The following SPATA13 variants were observed in gnomAD, a reference collection of about 807,000 sequenced individuals.
The protein encoded by SPATA13 is spermatogenesis-associated protein 13.
SPATA13 carries 50 observed loss-of-function variants against 104.0 expected under a neutral mutation model. The observed-to-expected ratio is 0.48, with a 90% CI of 0.38 to 0.61. The LOEUF is 0.61. Ranked by LOEUF, SPATA13 falls within the 20% of genes least tolerant of loss-of-function variation. SPATA13 has a pLI of 0.00. For synonymous variants in SPATA13, 606 were observed against 667.5 expected, an observed-to-expected ratio of 0.91 and a Z score of 1.42; for missense variants, 1,524 against 1,690.6, an observed-to-expected ratio of 0.90 and a Z score of 1.73.
rs1290858534 is a variant in SPATA13 at position 24,305,583 on chromosome 13, A to C, written c.*2810A>C. On this transcript the variant is annotated 3_prime_UTR_variant, in exon 13 of 13. Transcript: ENST00000382108. ...GAGTCACGTGTTCCACTTGGAAAGA[A>C]AGGGAACAGAGAGCCTCCTCCATGG... 6.6e-6 allele frequency: 1 copy of C among 152,216 alleles called. No homozygotes were observed. Among genetic ancestry groups the C allele is most frequent in the African/African-American group, 2.4e-5 (1 of 41,448 alleles). 9.4% of individuals were successfully genotyped at this position (152,216 alleles called of 1,614,324 possible).
chr13:23,987,045 A>G (rs1875180962), intron 2 of SPATA13, among the ~76,000 whole-genome samples: 1 of 85,640 alleles, frequency 1.2e-5, no homozygotes, highest in Admixed American at 1.1e-4. Flanking sequence ...GTGTGTTACT[A>G]CTCCACATGG....
chr13:24,078,868 C>T (rs1879415523), intron 3 of SPATA13, among the ~76,000 whole-genome samples: 1 of 152,194 alleles, frequency 6.6e-6, no homozygotes, highest in African/African-American at 2.4e-5. Flanking sequence ...ATCCTGTATC[C>T]TCATTTACCA....
chr13:24,124,911 C>T (rs1228137274), intron 3 of SPATA13, among the ~76,000 whole-genome samples: 13 of 152,100 alleles, frequency 8.5e-5, no homozygotes, highest in Admixed American at 8.5e-4. Flanking sequence ...GCCTGCCTGC[C>T]TAGATCTGTA....
intron 1 of SPATA13, among the ~76,000 whole-genome samples, chr13:24,172,465 T>C (rs1032738955): frequency 1.3e-5 from 2 of 152,230 alleles, no homozygotes; most frequent in African/African-American, 4.8e-5. Flanking sequence ...TTTTGTGTTT[T>C]TTTCTAAAAC....
chr13:24,148,272 A>G (rs1440239382), intron 3 of SPATA13, among the ~76,000 whole-genome samples: 1 of 152,122 alleles, frequency 6.6e-6, no homozygotes, highest in African/African-American at 2.4e-5. Flanking sequence ...CTGGTGATGA[A>G]GTCCTCAGGG....
chr13:24,122,571 T>TCGC (rs1246321397), intron 3 of SPATA13: 20 of 1,553,196 alleles, frequency 1.3e-5, no homozygotes, highest in Non-Finnish European at 1.7e-5. Context: ...AGCGATGACC[T>TCGC]CTAACAATTT....
chr13:24,064,082 C>T (rs1878868044), intron 3 of SPATA13, among the ~76,000 whole-genome samples: 1 of 152,182 alleles, frequency 6.6e-6, no homozygotes. Context: ...GCCTGCCTAC[C>T]CTTCCAGCAC....
In SPATA13 at chr13:24,089,348, C is replaced by T. The variant is rs149787506; in HGVS notation, c.-112+71647C>T. 2.4e-3 allele frequency among the ~76,000 whole-genome samples: 370 copies of T among 152,244 alleles called. 2 individuals are homozygous for T. The highest frequency in any genetic ancestry group is 8.4e-3 in the African/African-American group (351 of 41,544). ...CTCGGACCACATTCTCACAACAGCTCGGTTGTGGCAAAAACAAAAAGGAGA... is the reference window on the plus strand; with the variant it reads ...CTCGGACCACATTCTCACAACAGCTTGGTTGTGGCAAAAACAAAAAGGAGA... On this transcript the variant is annotated intron_variant, in intron 3 of 14. Transcript: ENST00000424834.
chr13:24,148,324 T>C (rs1881997170), intron 3 of SPATA13, among the ~76,000 whole-genome samples: 1 of 152,144 alleles, frequency 6.6e-6, no homozygotes, highest in African/African-American at 2.4e-5. Flanking sequence ...CCCGTTGTCT[T>C]TTGTGCACAA....
intron 2 of SPATA13, among the ~76,000 whole-genome samples, chr13:24,003,285 C>T (rs1743257592): frequency 6.6e-6 from 1 of 152,124 alleles, no homozygotes; most frequent in Non-Finnish European, 1.5e-5. Context: ...GTTTCCATTA[C>T]AGAAATCCTA....
intron 8 of SPATA13, 150 bp from the exon 9 acceptor site, chr13:24,290,502 T>G (rs1593505775): frequency 1.5e-6 from 1 of 652,546 alleles, no homozygotes; most frequent in Non-Finnish European, 2.7e-6. Flanking sequence ...GCAGCTTGGG[T>G]GCCAGCGGAT....
chr13:24,008,567 G>GGAGA lies in SPATA13; in HGVS notation c.-146-9083_-146-9080dup, dbSNP rs148859731. On this transcript the variant is annotated intron_variant, in intron 2 of 14. Coordinates refer to the SPATA13 transcript ENST00000424834. Reference sequence around the variant, plus strand: ...AGCAGGAGAGCAGGAGAAGGGGAGGGGAGAGAGAGAGAGAGAGAGATCAAG... The same window carrying GGAGA: ...AGCAGGAGAGCAGGAGAAGGGGAGGGGAGAGAGAGAGAGAGAGAGAGAGATCAAG... 1.8e-4 allele frequency among the ~76,000 whole-genome samples: 27 copies of GGAGA among 150,684 alleles called. No individual in the cohort carries two copies. The East Asian group carries it at 2.7e-3, about 15-fold the overall frequency.
At chr13:24,289,980 G>A (rs1876220577) in intron 8 of SPATA13, among the ~76,000 whole-genome samples, 1 of 152,178 alleles carries the variant, frequency 6.6e-6, no homozygotes, top group Non-Finnish European at 1.5e-5. Flanking sequence ...TAGTCAGCTG[G>A]AGGCTGGGCC....
chr13:24,259,260 C>T (rs1873943165), intron 4 of SPATA13, among the ~76,000 whole-genome samples: 1 of 152,242 alleles, frequency 6.6e-6, no homozygotes, highest in Non-Finnish European at 1.5e-5. Flanking sequence ...GTGCATCTTT[C>T]TGCTGCTGTC....
At chr13:23,982,666 A>G (rs150737295) in intron 1 of SPATA13, among the ~76,000 whole-genome samples, 42 of 152,302 alleles carry the variant, frequency 2.8e-4, no homozygotes, top group African/African-American at 1.0e-3. Flanking sequence ...ATATTTTTCA[A>G]TGCATTATCT....
intron 4 of SPATA13, among the ~76,000 whole-genome samples, chr13:24,268,204 G>A (rs902571991): frequency 7.9e-5 from 12 of 152,230 alleles, no homozygotes; most frequent in Admixed American, 4.6e-4. Flanking sequence ...GATGAATCCT[G>A]TAGGATATCC....
chr13:24,292,266 T>C (rs1876444560), intron 9 of SPATA13, among the ~76,000 whole-genome samples: 1 of 152,212 alleles, frequency 6.6e-6, no homozygotes, highest in Non-Finnish European at 1.5e-5. Context: ...CCATTTTCCA[T>C]GCCATGGGAA....
At chr13:24,064,098 C>T (rs1017220967) in intron 3 of SPATA13, among the ~76,000 whole-genome samples, 4 of 152,216 alleles carry the variant, frequency 2.6e-5, no homozygotes, top group Non-Finnish European at 5.9e-5. Context: ...AGCACTTTCT[C>T]TTGTCAGTGT....
chr13:23,997,588 T>G (rs1875756694), intron 2 of SPATA13, among the ~76,000 whole-genome samples: 1 of 152,058 alleles, frequency 6.6e-6, no homozygotes, highest in Non-Finnish European at 1.5e-5. Context: ...GGGTAATTTA[T>G]AAAGAGGAGG....
Sources: allele counts gnomAD v4.1 joint callset (sites outside exome capture counted in the v4.1 genomes callset), GRCh38; gene constraint gnomAD v4.1.1; transcripts MANE v1.5; gene names NCBI Gene and HGNC (gene_info 2026-07-23, HGNC 2026-07-21).